GPA33: variants seen among roughly 807,000 people sequenced by gnomAD.
GPA33 encodes cell surface A33 antigen.
GPA33 carries 27 observed loss-of-function variants against 35.6 expected under a neutral mutation model. The ratio of observed to expected loss-of-function variants is 0.76; its 90% CI spans 0.56 to 1.04. GPA33 has a LOEUF of 1.04. GPA33 is among the 50% of genes least tolerant of loss of function. GPA33 has a pLI of 0.00. For synonymous variants in GPA33, 176 were observed against 164.0 expected (o/e 1.07, Z -0.56); for missense variants, 428 against 411.9 (o/e 1.04, Z -0.34).
At chr1:167,059,887 T>A (rs1666396730) in intron 4 of GPA33, among the ~76,000 whole-genome samples, 1 of 152,190 alleles carries the variant, frequency 6.6e-6, no homozygotes, top group Non-Finnish European at 1.5e-5. Flanking sequence ...CACTGCTAGC[T>A]TGTTTCCACT....
chr1:167,060,772 C>T (rs1028776390), intron 4 of GPA33, among the ~76,000 whole-genome samples: 3 of 152,252 alleles, frequency 2.0e-5, no homozygotes, highest in Admixed American at 6.5e-5. Flanking sequence ...AGGGCAAAGA[C>T]GAACCTCCCT....
intron 4 of GPA33, among the ~76,000 whole-genome samples, chr1:167,062,088 C>T (rs1303160226): frequency 6.6e-6 from 1 of 152,148 alleles, no homozygotes; most frequent in African/African-American, 2.4e-5. Flanking sequence ...TCCTTTTCCA[C>T]CTACACTGAA....
intron 1 of GPA33, among the ~76,000 whole-genome samples, chr1:167,079,097 G>T (rs184634559): frequency 6.6e-6 from 1 of 152,216 alleles, no homozygotes; most frequent in Admixed American, 6.5e-5. Context: ...CTAAAGAATA[G>T]ATCAATTTTA....
At chr1:167,067,911 A>C (rs1183838242) in intron 3 of GPA33, among the ~76,000 whole-genome samples, 1 of 152,098 alleles carries the variant, frequency 6.6e-6, no homozygotes, top group Non-Finnish European at 1.5e-5. Flanking sequence ...GAAAATATGG[A>C]ATACCTACCT....
rs115635782 is a variant in GPA33, at chr1:167,056,237, G to C, written c.572-388C>G. Among the ~76,000 whole-genome samples, 498 of 152,296 alleles carry C rather than the reference G, an allele frequency of 3.3e-3. 2 individuals are homozygous for C. The highest frequency in any genetic ancestry group is 0.012 in the African/African-American group (478 of 41,556). On this transcript the variant is annotated intron_variant, in intron 4 of 6. Coordinates refer to ENST00000367868, the MANE Select transcript of GPA33 (RefSeq NM_005814.3). Reference sequence around the variant, plus strand: ...CCCACAACAGAATGCCTGATATGTAGTAAGTGCTCAGGAAACATAATGCAC... The same window carrying C: ...CCCACAACAGAATGCCTGATATGTACTAAGTGCTCAGGAAACATAATGCAC...
rs112945401 is a variant in GPA33 at position 167,062,860 on chromosome 1, C to A, written c.571+722G>T. ...GGGGTCCGTGACGGCTGAGAGGGAC[C>A]GGCCTGGATAAGGAATGGGAAAGTT... On this transcript the variant is annotated intron_variant, in intron 4 of 6. Coordinates refer to ENST00000367868, the MANE Select transcript of GPA33 (RefSeq NM_005814.3). Among the ~76,000 whole-genome samples the A allele has an allele frequency of 5.1e-3, 779 of 151,764 alleles. 2 individuals carry two copies. Among genetic ancestry groups the A allele is most frequent in the Non-Finnish European group, 8.4e-3 (567 of 67,902 alleles).
chr1:167,078,298 G>A (rs1486646943), intron 1 of GPA33, among the ~76,000 whole-genome samples: 1 of 152,184 alleles, frequency 6.6e-6, no homozygotes, highest in Non-Finnish European at 1.5e-5. Context: ...CAAATTAATG[G>A]ACATAGACTA....
At position 167,072,238 on chromosome 1, in the gene GPA33, C is replaced by T. The variant is rs114128829; in HGVS notation, c.198+1147G>A. ...CTTTCCACTCTAAGTGGTCGGGGAC[C>T]TAATGCTTATCTCTGCCAGGCACGT... On this transcript the variant is annotated intron_variant, in intron 2 of 6. Coordinates refer to ENST00000367868, the MANE Select transcript of GPA33 (RefSeq NM_005814.3). Among the ~76,000 whole-genome samples, 174 of 152,302 alleles carry T rather than the reference C, an allele frequency of 1.1e-3. 1 individual carries two copies. Among genetic ancestry groups the T allele is most frequent in the Admixed American group, 5.4e-3 (82 of 15,304 alleles).
chr1:167,065,898 G>A (rs1666581907), intron 3 of GPA33, among the ~76,000 whole-genome samples: 1 of 152,092 alleles, frequency 6.6e-6, no homozygotes, highest in Non-Finnish European at 1.5e-5. Context: ...TGTGGGGAGG[G>A]GGAGTCTGCG....
chr1:167,085,446 A>T (rs926651235), intron 1 of GPA33, among the ~76,000 whole-genome samples: 2 of 152,234 alleles, frequency 1.3e-5, no homozygotes, highest in Non-Finnish European at 2.9e-5. Flanking sequence ...CACAATAGGC[A>T]GCATGGTTGT....
Position 167,054,217 on chromosome 1 carries a change from C to T in GPA33, c.*117G>A, listed in dbSNP as rs2102160663. On this transcript the variant is annotated 3_prime_UTR_variant, in exon 7 of 7. Coordinates refer to ENST00000367868, the MANE Select transcript of GPA33 (RefSeq NM_005814.3). Reference sequence around the variant, plus strand: ...CAGCTGACACTGGGGAAGAAATGTCCCCATCAATGTCTGGGATGGAGGGAC... The same window carrying T: ...CAGCTGACACTGGGGAAGAAATGTCTCCATCAATGTCTGGGATGGAGGGAC... 5 of 1,310,650 alleles carry T rather than the reference C, an allele frequency of 3.8e-6. No homozygotes were observed. The highest frequency in any genetic ancestry group is 5.3e-6 in the Non-Finnish European group (5 of 938,328). 81.2% of individuals were successfully genotyped at this position (1,310,650 alleles called of 1,614,324 possible).
chr1:167,084,505 C>G (rs1048218048), intron 1 of GPA33, among the ~76,000 whole-genome samples: 1 of 152,210 alleles, frequency 6.6e-6, no homozygotes, highest in Non-Finnish European at 1.5e-5. Flanking sequence ...GGTTCTGTGA[C>G]TGCTTCTCAA....
At chr1:167,088,541 C>T (rs934111316) in intron 1 of GPA33, among the ~76,000 whole-genome samples, 1 of 152,158 alleles carries the variant, frequency 6.6e-6, no homozygotes, top group African/African-American at 2.4e-5. Context: ...AGGTAGAAGA[C>T]ACTTCATCAG....
chr1:167,089,616 C>T (rs1667117621), intron 1 of GPA33, among the ~76,000 whole-genome samples: 1 of 152,132 alleles, frequency 6.6e-6, no homozygotes, highest in African/African-American at 2.4e-5. Context: ...TGGATTCAAC[C>T]ATATACTCAT....
At chr1:167,079,117 A>G (rs1404882945) in intron 1 of GPA33, among the ~76,000 whole-genome samples, 2 of 152,224 alleles carry the variant, frequency 1.3e-5, no homozygotes, top group African/African-American at 4.8e-5. Context: ...AGAGATCATT[A>G]TAACAGAGAG....
At chr1:167,074,049 A>C (rs533089591) in intron 1 of GPA33, among the ~76,000 whole-genome samples, 2 of 151,344 alleles carry the variant, frequency 1.3e-5, no homozygotes, top group South Asian at 4.2e-4. Context: ...TTTATGAATA[A>C]GATTATATCG....
intron 2 of GPA33, among the ~76,000 whole-genome samples, chr1:167,070,677 A>T (rs915663998): frequency 6.6e-6 from 1 of 152,212 alleles, no homozygotes; most frequent in African/African-American, 2.4e-5. Context: ...GTGACTTGGA[A>T]GGAGAAAAGG....
At chr1:167,067,874 AGT>A (rs954090506) in intron 3 of GPA33, among the ~76,000 whole-genome samples, 1 of 151,978 alleles carries the variant, frequency 6.6e-6, no homozygotes, top group Non-Finnish European at 1.5e-5. Context: ...AGTATGCAAG[AGT>A]GTGTGTGTGT....
intron 1 of GPA33, among the ~76,000 whole-genome samples, chr1:167,074,035 G>T (rs1420353402): frequency 6.6e-6 from 1 of 151,102 alleles, no homozygotes; most frequent in African/African-American, 2.4e-5. Context: ...ATGTGGTAAA[G>T]AATTTTATGA....
Sources: allele counts gnomAD v4.1 joint callset (sites outside exome capture counted in the v4.1 genomes callset), GRCh38; gene constraint gnomAD v4.1.1; transcripts MANE v1.5; gene names NCBI Gene and HGNC (gene_info 2026-07-23, HGNC 2026-07-21).